Variants in CYP4X1 observed in about 807,000 individuals in gnomAD.
The protein encoded by CYP4X1 is cytochrome P450 4X1.
Under a neutral mutation model 57.9 loss-of-function variants are expected in CYP4X1, and 44 were observed. The ratio of observed to expected loss-of-function variants is 0.76; its 90% CI spans 0.60 to 0.98. The LOEUF (loss-of-function observed/expected upper bound fraction) is 0.98. Ranked by LOEUF, CYP4X1 falls within the 50% of genes least tolerant of loss-of-function variation. The probability of loss-of-function intolerance (pLI) is 0.00; values close to 1 mark genes in which losing one functional copy is unlikely to be tolerated. For synonymous variants in CYP4X1, 227 were observed against 228.6 expected (o/e 0.99, Z 0.06); for missense variants, 532 against 623.9 (o/e 0.85, Z 1.57).
At chr1:46,980,021 A>T in the CYP4X1 span, among the ~76,000 whole-genome samples, 5 of 152,244 alleles carry the variant, frequency 3.3e-5, no homozygotes, top group Admixed American at 3.3e-4. Flanking sequence ...AGCCAATATC[A>T]TACTGAATGG....
At chr1:47,019,590 C>T (rs1643975400), upstream of CYP4X1, among the ~76,000 whole-genome samples, 1 of 152,218 alleles carries the variant, frequency 6.6e-6, no homozygotes, top group African/African-American at 2.4e-5. Context: ...CACACCACTG[C>T]AACACCCCAG....
the CYP4X1 span, among the ~76,000 whole-genome samples, chr1:46,977,779 G>A: frequency 6.6e-6 from 1 of 151,936 alleles, no homozygotes; most frequent in Non-Finnish European, 1.5e-5. Flanking sequence ...CTGATCTCTC[G>A]GCACAAACTC....
At chr1:46,977,769 C>G in the CYP4X1 span, among the ~76,000 whole-genome samples, 8 of 152,098 alleles carry the variant, frequency 5.3e-5, no homozygotes, top group African/African-American at 1.9e-4. Context: ...AGACTAACAG[C>G]TGATCTCTCG....
At chr1:47,049,391 G>C (rs768710833) in intron 10 of CYP4X1, 31 bp from the exon 11 acceptor site, 1 of 1,561,444 alleles carries the variant, frequency 6.4e-7, no homozygotes, top group Middle Eastern at 1.7e-4. Context: ...GTTGTTTGGG[G>C]GATGGTGTTG....
At chr1:47,006,828 T>A in the CYP4X1 span, among the ~76,000 whole-genome samples, 33 of 152,306 alleles carry the variant, frequency 2.2e-4, no homozygotes, top group East Asian at 6.4e-3. Context: ...GGAGCCTCGC[T>A]CATTGCTAGC....
the CYP4X1 span, among the ~76,000 whole-genome samples, chr1:47,017,473 AG>A: frequency 8.1e-6 from 1 of 124,014 alleles, no homozygotes; most frequent in Non-Finnish European, 1.7e-5. Flanking sequence ...CACATAGGGC[AG>A]GGGGTGGAGA....
At chr1:47,052,119 G>T (rs555447036), downstream of CYP4X1, among the ~76,000 whole-genome samples, 2 of 151,942 alleles carry the variant, frequency 1.3e-5, no homozygotes, top group African/African-American at 4.8e-5. Context: ...TAATTTATTT[G>T]TCAGGTTGCC....
At chr1:47,008,785 AAC>A in the CYP4X1 span, among the ~76,000 whole-genome samples, 1 of 152,192 alleles carries the variant, frequency 6.6e-6, no homozygotes, top group African/African-American at 2.4e-5. Context: ...TCTCTGATAA[AAC>A]AGACTTTAAA....
At chr1:46,971,683 GA>G in the CYP4X1 span, among the ~76,000 whole-genome samples, 1 of 152,158 alleles carries the variant, frequency 6.6e-6, no homozygotes, top group African/African-American at 2.4e-5. Context: ...TAGTGATATT[GA>G]GTATTTTTTC....
intron 1 of CYP4X1, 62 bp downstream of exon 1, chr1:47,024,056 GCCCA>G: frequency 6.5e-7 from 1 of 1,530,160 alleles, no homozygotes; most frequent in Non-Finnish European, 8.8e-7. Flanking sequence ...CGGCAGAGGA[GCCCA>G]GCCGGCAGAG....
At chr1:47,024,032 G>A (rs774426082) in intron 1 of CYP4X1, 38 bp downstream of exon 1, 4 of 1,584,638 alleles carry the variant, frequency 2.5e-6, no homozygotes, top group Non-Finnish European at 3.4e-6. Context: ...AGGAGGGAGG[G>A]GCGGAGGAGG....
chr1:47,009,389 T>C, the CYP4X1 span, among the ~76,000 whole-genome samples: 4 of 151,856 alleles, frequency 2.6e-5, no homozygotes, highest in Non-Finnish European at 4.4e-5. Context: ...CATACCAGAA[T>C]TTATGGGACA....
At chr1:46,988,478 C>T in the CYP4X1 span, among the ~76,000 whole-genome samples, 1 of 152,202 alleles carries the variant, frequency 6.6e-6, no homozygotes, top group East Asian at 1.9e-4. Flanking sequence ...GGTACCATTC[C>T]TTCTGAAACT....
At chr1:47,000,334 A>T in the CYP4X1 span, among the ~76,000 whole-genome samples, 2 of 151,898 alleles carry the variant, frequency 1.3e-5, no homozygotes, top group African/African-American at 4.8e-5. Context: ...GTTATAAACA[A>T]CTCAGTGTCA....
rs764348481 is a variant in CYP4X1 at position 47,050,183 on chromosome 1, G to A, written c.*9G>A. On this transcript the variant is annotated 3_prime_UTR_variant, in exon 12 of 12. Coordinates refer to ENST00000371901, the MANE Select transcript of CYP4X1 (RefSeq NM_178033.2). ...AACTCTCTGAATGTTAGATCTCAGG[G>A]TACAATGATTAAACGTACTTTGTTT... 16 of 1,613,234 alleles carry A rather than the reference G, an allele frequency of 9.9e-6. No individual in the cohort carries two copies. In the South Asian group the frequency reaches 1.8e-4, roughly 18 times the overall value.
In CYP4X1 at chr1:47,037,512, T is replaced by C. The variant is rs1644198378; in HGVS notation, c.776-1148T>C. Among the ~76,000 whole-genome samples, 3 of 152,104 alleles carry C rather than the reference T, an allele frequency of 2.0e-5. No homozygotes were observed. In the South Asian group the frequency reaches 6.2e-4, roughly 31 times the overall value. Reference sequence around the variant, plus strand: ...TTTATTGCATCTGGATTTTTAGTAATCACAAAAAGCCATTCTCTATTCCAG... The same window carrying C: ...TTTATTGCATCTGGATTTTTAGTAACCACAAAAAGCCATTCTCTATTCCAG... On this transcript the variant is annotated intron_variant, in intron 6 of 11. Transcript: ENST00000371901.
chr1:46,968,635 A>C, the CYP4X1 span, among the ~76,000 whole-genome samples: 2 of 152,194 alleles, frequency 1.3e-5, no homozygotes, highest in South Asian at 4.1e-4. Context: ...GAACAGTCAC[A>C]GTCCAGTGCC....
At chr1:47,022,002 T>C (rs1192727145), upstream of CYP4X1, among the ~76,000 whole-genome samples, 2 of 152,140 alleles carry the variant, frequency 1.3e-5, no homozygotes, top group Non-Finnish European at 2.9e-5. Context: ...TGCGATCATA[T>C]GAGGGCCATC....
chr1:47,022,897 T>C (rs9326152), upstream of CYP4X1, among the ~76,000 whole-genome samples: 64,763 of 152,012 alleles, frequency 0.43, 14,784 homozygotes, highest in East Asian at 0.87. Context: ...GAAGTCAGGC[T>C]TGTTAGATCC....
Sources: gnomAD v4.1 joint callset for allele counts (sites outside exome capture counted in the v4.1 genomes callset) on GRCh38, gnomAD v4.1.1 for gene constraint, MANE v1.5 for transcripts, NCBI Gene and HGNC (gene_info 2026-07-23, HGNC 2026-07-21) for gene names.